The following NMT1 variants were observed in gnomAD, a reference collection of about 807,000 sequenced individuals.
NMT1 encodes N-myristoyltransferase 1, also known as glycylpeptide N-tetradecanoyltransferase 1.
NMT1 carries 12 observed loss-of-function variants against 63.4 expected under a neutral mutation model. The observed-to-expected ratio is 0.19, with a 90% CI of 0.12 to 0.31. NMT1 has a LOEUF of 0.31. Among genes scored for constraint, NMT1 ranks in the 10% least tolerant of loss-of-function variants. The pLI, the probability that NMT1 is intolerant of heterozygous loss-of-function variation, is 1.00. For synonymous variants in NMT1, 228 were observed against 234.3 expected (o/e 0.97, Z 0.25); for missense variants, 432 against 634.6 (o/e 0.68, Z 3.43).
chr17:45,095,107 A>G (rs1336352567), intron 4 of NMT1, among the ~76,000 whole-genome samples: 1 of 83,686 alleles, frequency 1.2e-5, no homozygotes, highest in Admixed American at 1.3e-4. Flanking sequence ...CACTGCGCCC[A>G]GTCTTTTTTT....
intron 1 of NMT1, among the ~76,000 whole-genome samples, chr17:45,075,081 CAGG>C (rs1042349372): frequency 3.9e-5 from 6 of 152,162 alleles, no homozygotes; most frequent in Non-Finnish European, 8.8e-5. Context: ...GATGCTGAAG[CAGG>C]AGGATTGTTT....
chr17:45,072,735 G>A (rs966538894), intron 1 of NMT1, among the ~76,000 whole-genome samples: 15 of 147,632 alleles, frequency 1.0e-4, no homozygotes, highest in African/African-American at 2.8e-4. Flanking sequence ...AATTTTTTGC[G>A]TTTTTAGTAG....
chr17:45,067,404 C>T (rs752820882), intron 1 of NMT1, among the ~76,000 whole-genome samples: 11 of 152,212 alleles, frequency 7.2e-5, no homozygotes, highest in Non-Finnish European at 1.6e-4. Flanking sequence ...AGAGGTGTCT[C>T]ATCTCCATCC....
intron 8 of NMT1, among the ~76,000 whole-genome samples, chr17:45,101,427 A>C (rs1430971740): frequency 6.6e-6 from 1 of 151,022 alleles, no homozygotes; most frequent in Non-Finnish European, 1.5e-5. Flanking sequence ...GATTGAGACC[A>C]TCCTGCCAAC....
intron 3 of NMT1, 22 bp downstream of exon 3, chr17:45,086,674 T>C: frequency 6.3e-7 from 1 of 1,592,224 alleles, no homozygotes; most frequent in Non-Finnish European, 8.5e-7. Flanking sequence ...CTTGCTTTCT[T>C]TGCCAGGTCA....
rs2143524195 is a variant in NMT1, at chr17:45,103,530, C to T, written c.1165-179C>T. 6.6e-6 allele frequency among the ~76,000 whole-genome samples: 1 copy of T among 152,218 alleles called. No homozygotes were observed. The highest frequency in any genetic ancestry group is 1.9e-4 in the East Asian group (1 of 5,196). On this transcript the variant is annotated intron_variant, in intron 9 of 11. Transcript: ENST00000258960. This position sits in a 1 kb window ranked among gnomAD's most constrained non-coding sequence, Gnocchi z 4.8. Reference sequence around the variant, plus strand: ...GCAGGTTCAGCCCACGATCACGGCTCTGTCCTCAAGTGCCCTGAGCCAATG... The same window carrying T: ...GCAGGTTCAGCCCACGATCACGGCTTTGTCCTCAAGTGCCCTGAGCCAATG...
At chr17:45,075,401 C>G (rs746380909) in intron 1 of NMT1, among the ~76,000 whole-genome samples, 1 of 151,110 alleles carries the variant, frequency 6.6e-6, no homozygotes, top group Admixed American at 6.6e-5. Flanking sequence ...TGAGGATTTG[C>G]TTGAACCTGG....
chr17:45,072,700 C>T (rs896243097), intron 1 of NMT1, among the ~76,000 whole-genome samples: 2 of 151,930 alleles, frequency 1.3e-5, no homozygotes, highest in African/African-American at 4.8e-5. Context: ...GCTGGGACTA[C>T]AGGCGCCCGC....
intron 6 of NMT1, 23 bp from the exon 7 acceptor site, chr17:45,098,359 A>G (rs200835814): frequency 4.8e-5 from 77 of 1,608,412 alleles, no homozygotes; most frequent in Non-Finnish European, 6.0e-5. Flanking sequence ...AAACCTTGTC[A>G]CCTGGATTTT....
chr17:45,082,893 T>A (rs1227300629), intron 2 of NMT1, among the ~76,000 whole-genome samples: 1 of 152,014 alleles, frequency 6.6e-6, no homozygotes, highest in African/African-American at 2.4e-5. Context: ...GGCAGGCGCC[T>A]GTAATCCCAG....
At chr17:45,099,306 C>A in intron 7 of NMT1, 99 bp from the exon 8 acceptor site, 2 of 813,050 alleles carry the variant, frequency 2.5e-6, no homozygotes, top group South Asian at 1.4e-5. Flanking sequence ...CCTGATGTGT[C>A]TCTCACGCCA....
chr17:45,104,263 C>G lies in NMT1; in HGVS notation c.1332+387C>G, dbSNP rs578112822. The stretch of plus-strand genomic sequence containing the variant: ...GCATCCAACTGCCAGTAGCGGATGG[C>G]GAGCCCGTCTGTCAGTGCTTTGCTG... On this transcript the variant is annotated intron_variant, in intron 10 of 11. Coordinates refer to ENST00000258960, the MANE Select transcript of NMT1 (RefSeq NM_021079.5). This position sits in a 1 kb window ranked among gnomAD's most constrained non-coding sequence, Gnocchi z 4.2. 1 of 1,192,248 alleles carries G rather than the reference C, an allele frequency of 8.4e-7. No individual in the cohort carries two copies. The highest frequency in any genetic ancestry group is 1.6e-5 in the South Asian group (1 of 61,774). 73.9% of individuals were successfully genotyped at this position (1,192,248 alleles called of 1,614,324 possible).
At chr17:45,066,094 C>T (rs1412527539) in intron 1 of NMT1, among the ~76,000 whole-genome samples, 2 of 152,084 alleles carry the variant, frequency 1.3e-5, no homozygotes, top group East Asian at 1.9e-4. Flanking sequence ...GATTCTGTTG[C>T]CCGGGCTGGA....
chr17:45,084,499 A>G (rs2054038734), intron 2 of NMT1, among the ~76,000 whole-genome samples: 1 of 151,620 alleles, frequency 6.6e-6, no homozygotes, highest in African/African-American at 2.4e-5. Context: ...CACACTGGCT[A>G]ATTTTTTGTA....
chr17:45,077,199 T>C (rs571288906), intron 1 of NMT1, among the ~76,000 whole-genome samples: 49 of 152,352 alleles, frequency 3.2e-4, no homozygotes, highest in African/African-American at 1.1e-3. Context: ...TTCTTTCTTT[T>C]GTAGAATTAT....
Position 45,097,395 on chromosome 17 carries a change from A to G in NMT1, c.713+151A>G, listed in dbSNP as rs1233568947. Reference sequence around the variant, plus strand: ...GCCCAGGTGCGGGGACTGCAGATTCATCCTAGGAACCACCTGTTCTGCTCA... The same window carrying G: ...GCCCAGGTGCGGGGACTGCAGATTCGTCCTAGGAACCACCTGTTCTGCTCA... On this transcript the variant is annotated intron_variant, in intron 6 of 11. Coordinates refer to ENST00000258960, the MANE Select transcript of NMT1 (RefSeq NM_021079.5). 8.6e-6 allele frequency: 6 copies of G among 697,892 alleles called. No homozygotes were observed. The African/African-American group carries it at 1.1e-4, about 12-fold the overall frequency. The allele number at this position is 697,892 out of a possible 1,614,324, so 43.2% of individuals were successfully genotyped here.
chr17:45,072,551 C>T (rs2053948275), intron 1 of NMT1, among the ~76,000 whole-genome samples: 1 of 150,990 alleles, frequency 6.6e-6, no homozygotes, highest in African/African-American at 2.4e-5. Context: ...AGGTGTGAGC[C>T]ACCGCACCTG....
intron 1 of NMT1, among the ~76,000 whole-genome samples, chr17:45,077,277 AT>A (rs2053984434): frequency 6.6e-6 from 1 of 152,112 alleles, no homozygotes. Flanking sequence ...GAACCAGCTA[AT>A]TTGTGGTTAT....
chr17:45,070,786 A>G (rs745762269), intron 1 of NMT1, among the ~76,000 whole-genome samples: 2 of 152,170 alleles, frequency 1.3e-5, no homozygotes, highest in Non-Finnish European at 2.9e-5. Flanking sequence ...TCCAGACCTT[A>G]GGTGATCTGC....
Sources: allele counts gnomAD v4.1 joint callset (sites outside exome capture counted in the v4.1 genomes callset), GRCh38; gene constraint gnomAD v4.1.1; non-coding constraint Gnocchi (gnomAD v3.1); transcripts MANE v1.5; gene names NCBI Gene and HGNC (gene_info 2026-07-23, HGNC 2026-07-21).